Variants in BCKDHB observed in about 807,000 individuals in gnomAD.
BCKDHB encodes the protein branched chain keto acid dehydrogenase E1 subunit beta.
BCKDHB carries 41 observed loss-of-function variants against 48.5 expected under a neutral mutation model. The ratio of observed to expected loss-of-function variants is 0.85; its 90% confidence interval spans 0.66 to 1.10. The LOEUF (loss-of-function observed/expected upper bound fraction) is 1.10. Ranked by LOEUF, BCKDHB falls within the 50% of genes least tolerant of loss-of-function variation. The probability of loss-of-function intolerance (pLI) is 0.00; values close to 1 mark genes in which losing one functional copy is unlikely to be tolerated. For synonymous variants in BCKDHB, 201 were observed against 174.8 expected, an observed-to-expected ratio of 1.15 and a Z score of -1.18; for missense variants, 496 against 494.2, an observed-to-expected ratio of 1.00 and a Z score of -0.03.
At chr6:80,227,027 A>G (rs1775709560) in intron 8 of BCKDHB, among the ~76,000 whole-genome samples, 1 of 152,202 alleles carries the variant, frequency 6.6e-6, no homozygotes, top group Admixed American at 6.5e-5. Flanking sequence ...GTTTGCAACC[A>G]TTAAATATAA....
the BCKDHB span, among the ~76,000 whole-genome samples, chr6:80,416,551 C>T: frequency 4.0e-5 from 6 of 151,700 alleles, no homozygotes; most frequent in South Asian, 2.1e-4. Flanking sequence ...AAAGTCATTC[C>T]GGAGCAGGTT....
At chr6:80,410,427 C>T in the BCKDHB span, among the ~76,000 whole-genome samples, 6 of 152,018 alleles carry the variant, frequency 3.9e-5, no homozygotes, top group Non-Finnish European at 7.4e-5. Flanking sequence ...TATGTGTGTT[C>T]GAGTTGCTCT....
chr6:80,438,752 CAT>C, the BCKDHB span, among the ~76,000 whole-genome samples: 4 of 152,184 alleles, frequency 2.6e-5, no homozygotes, highest in Non-Finnish European at 5.9e-5. Flanking sequence ...ATAACAAACA[CAT>C]ATCATTTTCT....
At chr6:80,428,854 G>A in the BCKDHB span, among the ~76,000 whole-genome samples, 6 of 152,122 alleles carry the variant, frequency 3.9e-5, no homozygotes, top group African/African-American at 1.4e-4. Context: ...TTCTTTTGCT[G>A]TGCAGAAGCT....
chr6:80,169,996 C>A, intron 5 of BCKDHB: 17 of 1,185,628 alleles, frequency 1.4e-5, no homozygotes, highest in Non-Finnish European at 1.7e-5. Context: ...TTCTGTCTGT[C>A]CCCTGCCTTC....
chr6:80,332,193 A>G (rs1184386382), intron 9 of BCKDHB, among the ~76,000 whole-genome samples: 6 of 152,136 alleles, frequency 3.9e-5, no homozygotes, highest in Non-Finnish European at 5.9e-5. Flanking sequence ...GAGAGCCCAC[A>G]GCTCTTTAAT....
At chr6:80,148,976 T>TA (rs1424601410) in intron 3 of BCKDHB, among the ~76,000 whole-genome samples, 8 of 152,148 alleles carry the variant, frequency 5.3e-5, no homozygotes, top group African/African-American at 1.9e-4. Context: ...AAATGGGATC[T>TA]AATTAAACTA....
the BCKDHB span, among the ~76,000 whole-genome samples, chr6:80,354,404 A>G: frequency 7.2e-4 from 109 of 151,854 alleles, no homozygotes; most frequent in African/African-American, 2.4e-3. Context: ...ATTTTTTTGT[A>G]TTTTAGTAGA....
intron 9 of BCKDHB, among the ~76,000 whole-genome samples, chr6:80,322,820 T>C (rs889208804): frequency 2.0e-5 from 3 of 152,118 alleles, no homozygotes; most frequent in African/African-American, 2.4e-5. Flanking sequence ...TCTTGCATTC[T>C]GTTCTTGCTG....
chr6:80,202,436 A>G (rs1414940455), intron 7 of BCKDHB, among the ~76,000 whole-genome samples: 2 of 152,150 alleles, frequency 1.3e-5, no homozygotes, highest in African/African-American at 4.8e-5. Context: ...GAACTTGAAC[A>G]ACTGTTTTCT....
intron 1 of BCKDHB, among the ~76,000 whole-genome samples, chr6:80,121,256 G>T (rs1770003544): frequency 6.6e-6 from 1 of 152,124 alleles, no homozygotes; most frequent in Non-Finnish European, 1.5e-5. Flanking sequence ...TGCTGTTTTG[G>T]TTACTGTAGC....
chr6:80,322,473 G>A (rs1409457289), intron 9 of BCKDHB, among the ~76,000 whole-genome samples: 1 of 151,874 alleles, frequency 6.6e-6, no homozygotes, highest in African/African-American at 2.4e-5. Context: ...TCCTGACCTC[G>A]TGATCCACCC....
chr6:80,202,061 C>T (rs1774421686), intron 7 of BCKDHB, among the ~76,000 whole-genome samples: 1 of 152,036 alleles, frequency 6.6e-6, no homozygotes. Context: ...TGCTATCCTT[C>T]TGTCCACTTT....
chr6:80,448,793 C>T, the BCKDHB span, among the ~76,000 whole-genome samples: 8 of 152,134 alleles, frequency 5.3e-5, no homozygotes, highest in Admixed American at 5.2e-4. Flanking sequence ...CATGAAATTT[C>T]ACACCAAAAT....
At chr6:80,183,899 T>C (rs974705511) in intron 6 of BCKDHB, among the ~76,000 whole-genome samples, 1 of 152,172 alleles carries the variant, frequency 6.6e-6, no homozygotes, top group Non-Finnish European at 1.5e-5. Flanking sequence ...GATTCCTCCA[T>C]GTCTTTTCAT....
chr6:80,422,380 G>T, the BCKDHB span, among the ~76,000 whole-genome samples: 1 of 152,320 alleles, frequency 6.6e-6, no homozygotes, highest in African/African-American at 2.4e-5. Flanking sequence ...GGCCCTCATG[G>T]AGAACCTCTA....
the BCKDHB span, among the ~76,000 whole-genome samples, chr6:80,450,821 A>G: frequency 1.3e-5 from 2 of 152,170 alleles, no homozygotes; most frequent in Admixed American, 1.3e-4. Context: ...TTCACAGGGT[A>G]ATCATCTCTA....
chr6:80,255,474 C>CAA (rs1777010624), intron 8 of BCKDHB, among the ~76,000 whole-genome samples: 1 of 150,878 alleles, frequency 6.6e-6, no homozygotes, highest in Admixed American at 6.6e-5. Context: ...AATAAAAGGA[C>CAA]AAAAATTCAT....
chr6:80,358,192 G>C, the BCKDHB span, among the ~76,000 whole-genome samples: 20 of 150,540 alleles, frequency 1.3e-4, no homozygotes, highest in African/African-American at 4.9e-4. Flanking sequence ...TTTTTATGTT[G>C]GCCAACTATT....
Sources: allele counts gnomAD v4.1 joint callset (sites outside exome capture counted in the v4.1 genomes callset), GRCh38; gene constraint gnomAD v4.1.1; transcripts MANE v1.5; gene names NCBI Gene and HGNC (gene_info 2026-07-23, HGNC 2026-07-21).